Variants in NR3C2 observed in about 807,000 individuals in gnomAD.
NR3C2 encodes nuclear receptor subfamily 3 group C member 2, also known as mineralocorticoid receptor.
In NR3C2, 15 loss-of-function variants were observed where a neutral mutation model predicts 86.4. That is an observed-to-expected ratio of 0.17 (90% confidence interval 0.12 to 0.27). The LOEUF is 0.27. Among genes scored for constraint, NR3C2 ranks in the 10% least tolerant of loss-of-function variants. NR3C2 has a pLI of 1.00. For missense variants in NR3C2, 960 were observed against 1,195.6 expected (o/e 0.80, Z 2.91); for synonymous variants, 458 against 450.5 (o/e 1.02, Z -0.21).
intron 3 of NR3C2, among the ~76,000 whole-genome samples, chr4:148,252,651 C>T (rs1739632937): frequency 1.3e-5 from 2 of 152,160 alleles, no homozygotes; most frequent in African/African-American, 4.8e-5. Flanking sequence ...TTTTTAAGAA[C>T]ATCATAAGTC....
At chr4:148,263,271 T>C (rs1296105828) in intron 2 of NR3C2, among the ~76,000 whole-genome samples, 1 of 152,214 alleles carries the variant, frequency 6.6e-6, no homozygotes, top group Admixed American at 6.5e-5. Flanking sequence ...ATTTACTTTC[T>C]TTCTCCAGAT....
chr4:148,197,429 GCAAGGT>G (rs1242096696), intron 3 of NR3C2, among the ~76,000 whole-genome samples: 1 of 152,140 alleles, frequency 6.6e-6, no homozygotes, highest in Non-Finnish European at 1.5e-5. Context: ...CCAATATGTT[GCAAGGT>G]CACGAATCAT....
chr4:148,152,852 A>G (rs1279041749), intron 5 of NR3C2, among the ~76,000 whole-genome samples: 1 of 152,216 alleles, frequency 6.6e-6, no homozygotes, highest in East Asian at 1.9e-4. Context: ...GCAAACTAAA[A>G]TTGCAAAGTT....
rs189332290 is a variant in NR3C2 at position 148,425,395 on chromosome 4, G to C, written c.1757+9709C>G. Among the ~76,000 whole-genome samples the C allele has an allele frequency of 3.4e-4, 52 of 152,290 alleles. 1 individual carries two copies. The highest frequency in any genetic ancestry group is 2.9e-3 in the Admixed American group (45 of 15,304). ...AAGAAGGTGATGTGTTAGAAGGCAG[G>C]GGATGACCACTTTCAATAAGAAGAT... On this transcript the variant is annotated intron_variant, in intron 2 of 8. Coordinates refer to ENST00000358102, the MANE Select transcript of NR3C2 (RefSeq NM_000901.5).
At chr4:148,118,884 TA>T (rs1398162112) in intron 7 of NR3C2, among the ~76,000 whole-genome samples, 1 of 152,178 alleles carries the variant, frequency 6.6e-6, no homozygotes, top group African/African-American at 2.4e-5. Context: ...TCTATCATAC[TA>T]CCAGTCATGG....
chr4:148,203,267 C>T (rs1203089852), intron 3 of NR3C2, among the ~76,000 whole-genome samples: 7 of 151,884 alleles, frequency 4.6e-5, no homozygotes, highest in Non-Finnish European at 7.4e-5. Context: ...CTAACTACCC[C>T]GGTCGATACT....
chr4:148,324,108 TCC>T (rs1743814860), intron 2 of NR3C2, among the ~76,000 whole-genome samples: 2 of 152,030 alleles, frequency 1.3e-5, no homozygotes, highest in Non-Finnish European at 2.9e-5. Flanking sequence ...TCCTATATGC[TCC>T]ATGATTAACC....
intron 2 of NR3C2, among the ~76,000 whole-genome samples, chr4:148,270,753 T>A (rs1740639257): frequency 6.6e-6 from 1 of 152,198 alleles, no homozygotes; most frequent in Non-Finnish European, 1.5e-5. Flanking sequence ...GATGACTGAC[T>A]CTGCAAAGAA....
At chr4:148,288,564 G>A (rs3846326) in intron 2 of NR3C2, among the ~76,000 whole-genome samples, 109,493 of 152,184 alleles carry the variant, frequency 0.72, 40,197 homozygotes, top group Middle Eastern at 0.85. Flanking sequence ...GTTGCTGGGC[G>A]CCAGCCAATT....
At chr4:148,203,880 A>G (rs999955078) in intron 3 of NR3C2, among the ~76,000 whole-genome samples, 2 of 152,204 alleles carry the variant, frequency 1.3e-5, no homozygotes, top group Non-Finnish European at 2.9e-5. Flanking sequence ...CCAGGGGGAA[A>G]AAGAACTGAC....
At chr4:148,353,391 T>A (rs1745393911) in intron 2 of NR3C2, among the ~76,000 whole-genome samples, 1 of 152,052 alleles carries the variant, frequency 6.6e-6, no homozygotes. Flanking sequence ...AACCACCTAA[T>A]AATAGAAGAT....
In NR3C2 at chr4:148,353,571, T is replaced by C. The variant is rs61761528; in HGVS notation, c.1757+81533A>G. 5.9e-5 allele frequency among the ~76,000 whole-genome samples: 9 copies of C among 152,308 alleles called. No homozygotes were observed. The East Asian group carries it at 1.3e-3, about 23-fold the overall frequency. On this transcript the variant is annotated intron_variant, in intron 2 of 8. Coordinates refer to ENST00000358102, the MANE Select transcript of NR3C2 (RefSeq NM_000901.5). ...CATACAATTTTTCCTTTTAAAAATA[T>C]GTATAGACAGGTATAGAGGAGTGAA...
intron 8 of NR3C2, among the ~76,000 whole-genome samples, chr4:148,097,864 C>A (rs901049599): frequency 6.6e-6 from 1 of 151,164 alleles, no homozygotes; most frequent in East Asian, 1.9e-4. Context: ...AGACTGGACA[C>A]CCCTGGCTTA....
At chr4:148,420,237 C>T (rs1043545217) in intron 2 of NR3C2, among the ~76,000 whole-genome samples, 1 of 152,138 alleles carries the variant, frequency 6.6e-6, no homozygotes, top group Non-Finnish European at 1.5e-5. Flanking sequence ...AAAGTAAAGC[C>T]CTAGTAGATG....
chr4:148,267,692 T>C (rs143276170), intron 2 of NR3C2, among the ~76,000 whole-genome samples: 1,812 of 152,252 alleles, frequency 0.012, 41 homozygotes, highest in African/African-American at 0.042. Flanking sequence ...AACAGCCACA[T>C]TATATCATTA....
At chr4:148,356,338 G>A (rs1402877280) in intron 2 of NR3C2, among the ~76,000 whole-genome samples, 2 of 152,138 alleles carry the variant, frequency 1.3e-5, no homozygotes, top group Admixed American at 1.3e-4. Flanking sequence ...CACATTCTGC[G>A]TGTGCCTCTA....
intron 6 of NR3C2, among the ~76,000 whole-genome samples, chr4:148,140,680 G>T (rs904664957): frequency 1.3e-5 from 2 of 152,198 alleles, no homozygotes; most frequent in African/African-American, 4.8e-5. Flanking sequence ...GCCTTTTGAA[G>T]ATAATATATG....
intron 8 of NR3C2, among the ~76,000 whole-genome samples, chr4:148,097,932 A>G (rs1340147451): frequency 6.6e-6 from 1 of 152,046 alleles, no homozygotes; most frequent in East Asian, 1.9e-4. Context: ...ACAGAGGAAC[A>G]GGATCAGCAT....
At chr4:148,204,538 G>A (rs149323072) in intron 3 of NR3C2, among the ~76,000 whole-genome samples, 305 of 152,148 alleles carry the variant, frequency 2.0e-3, no homozygotes, top group Non-Finnish European at 2.8e-3. Flanking sequence ...AGACAAATTC[G>A]GAGTGGTAAA....
Sources: allele counts gnomAD v4.1 joint callset (sites outside exome capture counted in the v4.1 genomes callset), GRCh38; gene constraint gnomAD v4.1.1; transcripts MANE v1.5; gene names NCBI Gene and HGNC (gene_info 2026-07-23, HGNC 2026-07-21).